Variants in PCDH15 observed in about 807,000 individuals in gnomAD.
The protein encoded by PCDH15 is protocadherin-15.
PCDH15 carries 129 observed loss-of-function variants against 178.5 expected under a neutral mutation model. The observed-to-expected ratio is 0.72, with a 90% confidence interval of 0.63 to 0.84. The LOEUF is 0.84. PCDH15 is among the 40% of genes least tolerant of loss of function. The probability of loss-of-function intolerance (pLI) is 0.00; values close to 1 mark genes in which losing one functional copy is unlikely to be tolerated. For synonymous variants in PCDH15, 800 were observed against 732.0 expected (o/e 1.09, Z -1.50); for missense variants, 2,230 against 2,099.9 (o/e 1.06, Z -1.21).
At chr10:54,830,139 C>T (rs1161421830) in intron 3 of PCDH15, among the ~76,000 whole-genome samples, 4 of 152,140 alleles carry the variant, frequency 2.6e-5, no homozygotes, top group Non-Finnish European at 5.9e-5. Flanking sequence ...GTTGGTGGGA[C>T]TGTAAACTAG....
chr10:55,353,558 CA>C (rs1169772195), intron 2 of PCDH15, among the ~76,000 whole-genome samples: 1 of 152,102 alleles, frequency 6.6e-6, no homozygotes, highest in African/African-American at 2.4e-5. Flanking sequence ...AAAGAGCAGG[CA>C]AGTGTATACA....
At chr10:54,323,834 GA>G (rs1416439935) in intron 7 of PCDH15, among the ~76,000 whole-genome samples, 1 of 151,890 alleles carries the variant, frequency 6.6e-6, no homozygotes, top group Non-Finnish European at 1.5e-5. Context: ...AAAAGTTGAG[GA>G]AAAAAATAAT....
chr10:54,596,480 A>AC (rs1401670885), intron 2 of PCDH15, among the ~76,000 whole-genome samples: 13 of 152,302 alleles, frequency 8.5e-5, no homozygotes, highest in African/African-American at 2.9e-4. Flanking sequence ...GATGGGAAAG[A>AC]CCATAACCAG....
At chr10:53,858,417 G>A (rs2078894957) in intron 27 of PCDH15, among the ~76,000 whole-genome samples, 1 of 152,118 alleles carries the variant, frequency 6.6e-6, no homozygotes, top group Admixed American at 6.6e-5. Context: ...AGAAGTGTAA[G>A]TAACAAATCC....
At chr10:54,033,951 G>A (rs1473094650) in intron 18 of PCDH15, among the ~76,000 whole-genome samples, 4 of 151,320 alleles carry the variant, frequency 2.6e-5, no homozygotes. Context: ...CTTAAGCATT[G>A]TCCTTCTGTC....
intron 2 of PCDH15, among the ~76,000 whole-genome samples, chr10:54,543,923 T>C (rs1174625837): frequency 6.6e-6 from 1 of 152,182 alleles, no homozygotes; most frequent in Non-Finnish European, 1.5e-5. Flanking sequence ...ACATTTCTCA[T>C]TTTTATAAAA....
intron 2 of PCDH15, among the ~76,000 whole-genome samples, chr10:55,325,686 G>GC (rs1844012575): frequency 6.6e-6 from 1 of 152,020 alleles, no homozygotes; most frequent in Non-Finnish European, 1.5e-5. Context: ...AAAAGCAATT[G>GC]CAACAAAAGC....
At chr10:55,195,022 A>AT (rs1454103001) in intron 1 of PCDH15, among the ~76,000 whole-genome samples, 11 of 149,434 alleles carry the variant, frequency 7.4e-5, no homozygotes, top group Admixed American at 3.3e-4. Flanking sequence ...GGAAGAAGAA[A>AT]ATTTTTTTTT....
At chr10:54,681,566 A>G (rs1217482009) in intron 1 of PCDH15, among the ~76,000 whole-genome samples, 1 of 152,172 alleles carries the variant, frequency 6.6e-6, no homozygotes, top group Non-Finnish European at 1.5e-5. Flanking sequence ...AGGATTGAGG[A>G]TTAACTCTTG....
intron 2 of PCDH15, among the ~76,000 whole-genome samples, chr10:55,003,551 C>G (rs1839847148): frequency 6.6e-6 from 1 of 151,734 alleles, no homozygotes. Flanking sequence ...GCATGTTTCT[C>G]TCTTTGCCTG....
At chr10:55,144,955 A>G (rs532152211) in intron 2 of PCDH15, among the ~76,000 whole-genome samples, 1 of 152,176 alleles carries the variant, frequency 6.6e-6, no homozygotes, top group African/African-American at 2.4e-5. Flanking sequence ...GCCATTCTTA[A>G]TAAGAGAAGA....
At chr10:53,934,927 A>G (rs1002419285) in intron 25 of PCDH15, among the ~76,000 whole-genome samples, 2 of 151,162 alleles carry the variant, frequency 1.3e-5, no homozygotes, top group Admixed American at 6.6e-5. Context: ...AATAGATGCC[A>G]CATTAATAAA....
At chr10:54,003,806 T>C (rs2092278424) in intron 20 of PCDH15, among the ~76,000 whole-genome samples, 1 of 130,888 alleles carries the variant, frequency 7.6e-6, no homozygotes, top group South Asian at 2.4e-4. Context: ...AAGACAATAA[T>C]ACTGATACCA....
chr10:55,361,644 T>G (rs1437326546), intron 2 of PCDH15, among the ~76,000 whole-genome samples: 1 of 152,014 alleles, frequency 6.6e-6, no homozygotes, highest in South Asian at 2.1e-4. Context: ...TCTGTGGAAA[T>G]GAAATGGCAT....
intron 2 of PCDH15, among the ~76,000 whole-genome samples, chr10:54,981,844 T>C (rs2131905249): frequency 6.6e-6 from 1 of 152,168 alleles, no homozygotes; most frequent in East Asian, 1.9e-4. Context: ...GGCCCAATCA[T>C]AGCTCACTGC....
chr10:54,254,512 G>A (rs888158043), intron 8 of PCDH15, among the ~76,000 whole-genome samples: 1 of 152,012 alleles, frequency 6.6e-6, no homozygotes, highest in African/African-American at 2.4e-5. Flanking sequence ...CAATAGCATG[G>A]TTCCCAATTC....
intron 3 of PCDH15, among the ~76,000 whole-genome samples, chr10:54,406,043 C>T (rs971865951): frequency 5.3e-5 from 8 of 151,954 alleles, no homozygotes; most frequent in Non-Finnish European, 1.0e-4. Flanking sequence ...CCTTATAGAA[C>T]ATTGAATTAA....
chr10:54,241,209 AAC>A (rs2055253027), intron 8 of PCDH15, among the ~76,000 whole-genome samples: 1 of 152,174 alleles, frequency 6.6e-6, no homozygotes, highest in Non-Finnish European at 1.5e-5. Flanking sequence ...TCTTCTGAAG[AAC>A]AGAGTCTCTT....
intron 14 of PCDH15, among the ~76,000 whole-genome samples, chr10:54,145,439 C>T (rs575356844): frequency 3.3e-5 from 5 of 151,936 alleles, no homozygotes; most frequent in Non-Finnish European, 5.9e-5. Context: ...TGTCTTCTAC[C>T]AATATTGTGC....
Sources: allele counts gnomAD v4.1 joint callset (sites outside exome capture counted in the v4.1 genomes callset), GRCh38; gene constraint gnomAD v4.1.1; transcripts MANE v1.5; gene names NCBI Gene and HGNC (gene_info 2026-07-23, HGNC 2026-07-21).